PCDHGA9: variants seen among roughly 807,000 people sequenced by gnomAD.
PCDHGA9 encodes protocadherin gamma subfamily A, 9.
PCDHGA9 carries 37 observed loss-of-function variants against 62.5 expected under a neutral mutation model. That is an observed-to-expected ratio of 0.59 (90% CI 0.46 to 0.78). The LOEUF (loss-of-function observed/expected upper bound fraction) is 0.78. Among genes scored for constraint, PCDHGA9 ranks in the 30% least tolerant of loss-of-function variants. The pLI, the probability that PCDHGA9 is intolerant of heterozygous loss-of-function variation, is 0.00. For missense variants in PCDHGA9, 1,138 were observed against 1,166.2 expected (o/e 0.98, Z 0.35); for synonymous variants, 459 against 484.6 (o/e 0.95, Z 0.69).
At chr5:141,410,351 C>G in intron 1 of PCDHGA9, 1 of 1,614,066 alleles carries the variant, frequency 6.2e-7, no homozygotes. Flanking sequence ...GCGCCTGCGA[C>G]GCTCTCTCAG....
In PCDHGA9 at chr5:141,404,861, G is replaced by A; in HGVS notation, c.1909G>A (p.Ala637Thr). The change falls in exon 1 of 4, where the codon GCG becomes ACG. Residue 637 changes from alanine (A) to threonine (T), a missense_variant. Ala to Thr is a moderately conservative substitution (Grantham distance 58, BLOSUM62 0). Coordinates refer to ENST00000573521, the MANE Select transcript of PCDHGA9 (RefSeq NM_018921.3). ...RTARALLDRD[A>T]LKQSLVVAVQ... is the part of the protein sequence containing the mutation. ...AGCTCGGGCCCTGCTAGATAGAGAT[G>A]CGCTCAAACAGAGCCTTGTGGTGGC... 6.2e-7 allele frequency: 1 copy of A among 1,613,848 alleles called. No homozygotes were observed. The highest frequency in any genetic ancestry group is 8.5e-7 in the Non-Finnish European group (1 of 1,179,884).
At chr5:141,426,702 C>CA (rs1187798274) in intron 1 of PCDHGA9, 1 of 439,184 alleles carries the variant, frequency 2.3e-6, no homozygotes, top group Admixed American at 2.4e-5. Context: ...CATTGTTTTA[C>CA]AAATCAATGA....
At chr5:141,464,408 T>C (rs2154568477) in intron 1 of PCDHGA9, among the ~76,000 whole-genome samples, 1 of 151,718 alleles carries the variant, frequency 6.6e-6, no homozygotes, top group African/African-American at 2.4e-5. Flanking sequence ...CTGAGATATA[T>C]ATATATCTAT....
chr5:141,410,844 TTTGTC>T, intron 1 of PCDHGA9: 1 of 422,400 alleles, frequency 2.4e-6, no homozygotes, highest in Non-Finnish European at 3.9e-6. Context: ...ATATTTTGTC[TTTGTC>T]TTTTTTTTTT....
intron 1 of PCDHGA9, among the ~76,000 whole-genome samples, chr5:141,455,890 T>G (rs1055285369): frequency 1.3e-5 from 2 of 149,264 alleles, no homozygotes; most frequent in African/African-American, 2.4e-5. Flanking sequence ...TTTATTTATT[T>G]ATTTATTTAT....
rs1156229289 is a variant in PCDHGA9 at position 141,403,322 on chromosome 5, A to G, written c.370A>G (p.Thr124Ala). ...VKLYGIEIEVTDINDSAPKFQ... is the reference protein window; with the variant it reads ...VKLYGIEIEVADINDSAPKFQ... ...ACTGTACGGAATAGAAATAGAAGTAACTGATATTAACGACAGCGCCCCAAA... is the reference window on the plus strand; with the variant it reads ...ACTGTACGGAATAGAAATAGAAGTAGCTGATATTAACGACAGCGCCCCAAA... Residue 124 changes from threonine to alanine, a missense_variant, in exon 1 of 4, where the codon ACT becomes GCT. By Grantham distance (58) the Thr-to-Ala change is moderately conservative. Transcript: ENST00000573521. The G allele has an allele frequency of 6.2e-7, 1 of 1,613,982 alleles. No individual in the cohort carries two copies. The highest frequency in any genetic ancestry group is 8.5e-7 in the Non-Finnish European group (1 of 1,179,912).
At chr5:141,407,238 T>C (rs538322072) in intron 1 of PCDHGA9, among the ~76,000 whole-genome samples, 1 of 152,338 alleles carries the variant, frequency 6.6e-6, no homozygotes, top group East Asian at 1.9e-4. Context: ...AAATAAAGCA[T>C]ACTTCAGGCT....
chr5:141,411,573 GA>G (rs2095500797), intron 1 of PCDHGA9: 1 of 152,244 alleles, frequency 6.6e-6, no homozygotes, highest in Middle Eastern at 3.4e-3. Flanking sequence ...GACAGAGTGC[GA>G]CCCTGTCTCT....
In PCDHGA9 at chr5:141,476,210, G is replaced by A; in HGVS notation, c.2425-18597G>A. ...TGGTGCCTTGAACAAGGCTTCCACG[G>A]TCATTCACTATGAGATCCCGGAGGA... is the stretch of plus-strand genomic sequence containing the variant. On this transcript the variant is annotated intron_variant, in intron 1 of 3. Coordinates refer to ENST00000573521, the MANE Select transcript of PCDHGA9 (RefSeq NM_018921.3). The surrounding 1 kb of genome is among the most constrained non-coding windows in gnomAD (Gnocchi z 7.6). 6.2e-7 allele frequency: 1 copy of A among 1,614,012 alleles called. No individual in the cohort carries two copies. Among genetic ancestry groups the A allele is most frequent in the Non-Finnish European group, 8.5e-7 (1 of 1,180,012 alleles).
rs372326132 is a variant in PCDHGA9 at position 141,486,185 on chromosome 5, G to A, written c.2425-8622G>A. On this transcript the variant is annotated intron_variant, in intron 1 of 3. Coordinates refer to ENST00000573521, the MANE Select transcript of PCDHGA9 (RefSeq NM_018921.3). The surrounding 1 kb of genome is among the most constrained non-coding windows in gnomAD (Gnocchi z 5.0). ...CATGGAGCAACATTGCAGCCTTCGAGTGGATCTGCTGGACGTAAATGACAA... is the reference window on the plus strand; with the variant it reads ...CATGGAGCAACATTGCAGCCTTCGAATGGATCTGCTGGACGTAAATGACAA... 42 of 1,614,108 alleles carry A rather than the reference G, an allele frequency of 2.6e-5. No homozygotes were observed. The highest frequency in any genetic ancestry group is 3.4e-5 in the Non-Finnish European group (40 of 1,180,048).
chr5:141,408,249 T>A, intron 1 of PCDHGA9: 1 of 1,589,992 alleles, frequency 6.3e-7, no homozygotes, highest in Non-Finnish European at 8.6e-7. Flanking sequence ...CCGCGGCAGG[T>A]GCTATTTCCT....
At chr5:141,472,855 A>C (rs1179268125) in intron 1 of PCDHGA9, among the ~76,000 whole-genome samples, 3 of 151,078 alleles carry the variant, frequency 2.0e-5, no homozygotes, top group African/African-American at 7.3e-5. Flanking sequence ...GCATGGTGGC[A>C]CATGCCTGTA....
intron 1 of PCDHGA9, chr5:141,420,084 A>G (rs1454284559): frequency 2.5e-6 from 4 of 1,613,890 alleles, no homozygotes; most frequent in African/African-American, 1.3e-5. Context: ...GGTCCCCCCA[A>G]CTACAGTGAG....
chr5:141,485,192 A>T lies in PCDHGA9; in HGVS notation c.2425-9615A>T. 1.2e-6 allele frequency: 2 copies of T among 1,613,942 alleles called. No individual in the cohort carries two copies. Among genetic ancestry groups the T allele is most frequent in the African/African-American group, 2.7e-5 (2 of 75,048 alleles). On this transcript the variant is annotated intron_variant, in intron 1 of 3. Transcript: ENST00000573521. The surrounding 1 kb of genome is among the most constrained non-coding windows in gnomAD (Gnocchi z 5.7). ...GGCAGCAATGCTCCGCAAGGTGAGA[A>T]GCTGGACAGAAATCTGGCGGTGGGC... is the stretch of plus-strand genomic sequence containing the variant.
chr5:141,466,468 T>C (rs1266315455), intron 1 of PCDHGA9, among the ~76,000 whole-genome samples: 1 of 152,368 alleles, frequency 6.6e-6, no homozygotes, highest in East Asian at 1.9e-4. Flanking sequence ...TTGTTTCTGC[T>C]GTTAATTGTA....
chr5:141,511,581 T>C lies in PCDHGA9; in HGVS notation c.*408T>C, dbSNP rs2099883862. ...TCTTTCCCGAGTAAGGTGGTTGGGG[T>C]GTTGAAGTACCAAGTAACCTACAAG... On this transcript the variant is annotated 3_prime_UTR_variant, in exon 4 of 4. Transcript: ENST00000573521. 1 of 281,638 alleles carries C rather than the reference T, an allele frequency of 3.6e-6. No homozygotes were observed. The highest frequency in any genetic ancestry group is 2.2e-5 in the African/African-American group (1 of 46,302). 17.4% of individuals were successfully genotyped at this position (281,638 alleles called of 1,614,324 possible). A position where few individuals can be genotyped will look rare whatever the true frequency, so the allele number is the denominator to read the frequency against.
At chr5:141,424,762 A>T (rs1002777641) in intron 1 of PCDHGA9, 8 of 152,124 alleles carry the variant, frequency 5.3e-5, no homozygotes, top group African/African-American at 1.9e-4. Context: ...GGTCATTCTT[A>T]TGGCAAATAG....
In PCDHGA9 at chr5:141,477,446, C is replaced by A; in HGVS notation, c.2425-17361C>A. 1 of 1,614,196 alleles carries A rather than the reference C, an allele frequency of 6.2e-7. No homozygotes were observed. The highest frequency in any genetic ancestry group is 8.5e-7 in the Non-Finnish European group (1 of 1,180,022). The stretch of plus-strand genomic sequence containing the variant: ...TTCCCTCTCAGCCCTTACAATAGTG[C>A]GTGTTCAAGTGTCCGACATCAATGA... On this transcript the variant is annotated intron_variant, in intron 1 of 3. Transcript: ENST00000573521. The surrounding 1 kb of genome is among the most constrained non-coding windows in gnomAD (Gnocchi z 4.9).
chr5:141,426,565 T>G, intron 1 of PCDHGA9: 1 of 351,600 alleles, frequency 2.8e-6, no homozygotes, highest in Non-Finnish European at 5.7e-6. Flanking sequence ...AGATCGAGAG[T>G]CACTGTCTTC....
Sources: allele counts gnomAD v4.1 joint callset (sites outside exome capture counted in the v4.1 genomes callset), GRCh38; gene constraint gnomAD v4.1.1; non-coding constraint Gnocchi (gnomAD v3.1); transcripts MANE v1.5; gene names NCBI Gene and HGNC (gene_info 2026-07-23, HGNC 2026-07-21).